Variants in ZC3H12B observed in about 807,000 individuals in gnomAD.
ZC3H12B encodes the protein zinc finger CCCH-type containing 12B, also known as probable ribonuclease ZC3H12B.
A neutral mutation model predicts 43.9 loss-of-function variants in ZC3H12B; 7 were observed. The ratio of observed to expected loss-of-function variants is 0.16; its 90% CI spans 0.09 to 0.30. The LOEUF (loss-of-function observed/expected upper bound fraction) is 0.30, where lower values mean the gene tolerates loss of function less well. Ranked by LOEUF, ZC3H12B falls within the 10% of genes least tolerant of loss-of-function variation. The pLI, the probability that ZC3H12B is intolerant of heterozygous loss-of-function variation, is 1.00. For synonymous variants in ZC3H12B, 222 were observed against 241.7 expected, an observed-to-expected ratio of 0.92 and a Z score of 0.76; for missense variants, 475 against 670.2, an observed-to-expected ratio of 0.71 and a Z score of 3.22.
At chrX:65,245,572 C>G in the ZC3H12B span, among the ~76,000 whole-genome samples, 1 of 111,882 alleles carries the variant, frequency 8.9e-6, no homozygotes, top group African/African-American at 3.3e-5. Flanking sequence ...ATCATACAAA[C>G]AAAACTAAAG....
chrX:65,128,342 T>C, the ZC3H12B span, among the ~76,000 whole-genome samples: 1 of 112,476 alleles, frequency 8.9e-6, no homozygotes, highest in African/African-American at 3.2e-5. Flanking sequence ...AAGATTGTTG[T>C]TTAACGTCAA....
chrX:65,135,992 A>G, the ZC3H12B span, among the ~76,000 whole-genome samples: 1 of 110,654 alleles, frequency 9.0e-6, no homozygotes, highest in African/African-American at 3.3e-5. Flanking sequence ...CAGCTTTCAA[A>G]CATTTGTCAG....
At chrX:65,217,069 G>T in the ZC3H12B span, among the ~76,000 whole-genome samples, 2 of 108,639 alleles carry the variant, frequency 1.8e-5, no homozygotes, top group Admixed American at 9.8e-5. Flanking sequence ...TGCTTTTATT[G>T]CTTCTCCCCC....
At chrX:65,046,821 A>G in the ZC3H12B span, among the ~76,000 whole-genome samples, 1 of 111,421 alleles carries the variant, frequency 9.0e-6, no homozygotes, top group Non-Finnish European at 1.9e-5. Context: ...CTTTCACTTG[A>G]ACACTTAAAA....
the ZC3H12B span, among the ~76,000 whole-genome samples, chrX:65,292,743 C>T: frequency 9.0e-6 from 1 of 110,802 alleles, no homozygotes; most frequent in Non-Finnish European, 1.9e-5. Flanking sequence ...CCAGAACTTT[C>T]AGAGGCCAAG....
At chrX:65,428,185 T>A in intron 3 of ZC3H12B, among the ~76,000 whole-genome samples, 1 of 112,084 alleles carries the variant, frequency 8.9e-6, no homozygotes, top group South Asian at 3.8e-4. Flanking sequence ...GTCTGGCTGC[T>A]TTTAACAGTT....
chrX:65,418,075 A>G (rs1306535518), intron 3 of ZC3H12B, among the ~76,000 whole-genome samples: 1 of 112,302 alleles, frequency 8.9e-6, no homozygotes, highest in Non-Finnish European at 1.9e-5. Context: ...AGGGCTAAGT[A>G]TATAATTATG....
chrX:65,226,545 T>A, the ZC3H12B span, among the ~76,000 whole-genome samples: 1 of 111,439 alleles, frequency 9.0e-6, no homozygotes, highest in African/African-American at 3.3e-5. Flanking sequence ...TAACTTTAAA[T>A]GTAAATGGAC....
At chrX:65,083,075 A>G in the ZC3H12B span, among the ~76,000 whole-genome samples, 1 of 111,544 alleles carries the variant, frequency 9.0e-6, no homozygotes, top group Non-Finnish European at 1.9e-5. Flanking sequence ...TCATGATAGG[A>G]ACCTGCAAAA....
At chrX:65,180,275 G>T in the ZC3H12B span, among the ~76,000 whole-genome samples, 2 of 111,895 alleles carry the variant, frequency 1.8e-5, no homozygotes, top group South Asian at 3.7e-4. Flanking sequence ...CTCAATAGAT[G>T]TAGAAAAAGC....
chrX:65,124,351 G>C, the ZC3H12B span, among the ~76,000 whole-genome samples: 3 of 111,060 alleles, frequency 2.7e-5, no homozygotes, highest in South Asian at 1.1e-3. Flanking sequence ...ACTTGATTAT[G>C]GTAGATTATC....
chrX:65,316,785 C>A, the ZC3H12B span, among the ~76,000 whole-genome samples: 1 of 111,284 alleles, frequency 9.0e-6, no homozygotes, highest in Non-Finnish European at 1.9e-5. Context: ...GAATCAAATC[C>A]ACATATATCA....
chrX:65,224,317 A>T, the ZC3H12B span, among the ~76,000 whole-genome samples: 1 of 112,760 alleles, frequency 8.9e-6, no homozygotes, highest in East Asian at 2.8e-4. Context: ...AGATAGGGAT[A>T]AAAAACTATG....
chrX:65,475,309 C>T (rs1215599023), intron 3 of ZC3H12B, among the ~76,000 whole-genome samples: 3 of 111,744 alleles, frequency 2.7e-5, no homozygotes, highest in Admixed American at 9.6e-5. Flanking sequence ...TTGAAGAGTT[C>T]CCATAAATAT....
At chrX:65,127,647 G>A in the ZC3H12B span, among the ~76,000 whole-genome samples, 2 of 111,096 alleles carry the variant, frequency 1.8e-5, no homozygotes, top group Non-Finnish European at 3.8e-5. Flanking sequence ...ACCTGGTTGT[G>A]GCAGGGATAG....
chrX:65,343,913 C>T, the ZC3H12B span, among the ~76,000 whole-genome samples: 1 of 111,811 alleles, frequency 8.9e-6, no homozygotes, highest in Non-Finnish European at 1.9e-5. Flanking sequence ...TATGGTTATA[C>T]ATCTACAACA....
the ZC3H12B span, among the ~76,000 whole-genome samples, chrX:65,249,796 ATTTTTTTTT>A: frequency 6.1e-5 from 3 of 48,940 alleles, no homozygotes; most frequent in East Asian, 6.6e-4. Flanking sequence ...ATTCCTAAGT[ATTTTTTTTT>A]TTTTTTTTTT....
the ZC3H12B span, among the ~76,000 whole-genome samples, chrX:65,315,705 G>T: frequency 8.9e-6 from 1 of 111,990 alleles, no homozygotes; most frequent in Non-Finnish European, 1.9e-5. Context: ...GGAACATCAG[G>T]CCACACAGAT....
chrX:65,219,476 G>A, the ZC3H12B span, among the ~76,000 whole-genome samples: 1 of 111,325 alleles, frequency 9.0e-6, no homozygotes, highest in South Asian at 3.8e-4. Context: ...CACAACTTCT[G>A]GAAATGAAGG....
Sources: gnomAD v4.1 joint callset for allele counts (sites outside exome capture counted in the v4.1 genomes callset) on GRCh38, gnomAD v4.1.1 for gene constraint, MANE v1.5 for transcripts, NCBI Gene and HGNC (gene_info 2026-07-23, HGNC 2026-07-21) for gene names.